Variants in ANXA4 observed in about 807,000 individuals in gnomAD.
The protein encoded by ANXA4 is 35-beta calcimedin.
In ANXA4, 39 loss-of-function variants were observed where a neutral mutation model predicts 49.8. The ratio of observed to expected loss-of-function variants is 0.78; its 90% CI spans 0.61 to 1.02. The LOEUF (loss-of-function observed/expected upper bound fraction) is 1.02, where lower values mean the gene tolerates loss of function less well. Ranked by LOEUF, ANXA4 falls within the 50% of genes least tolerant of loss-of-function variation. The pLI is 0.00. For missense variants in ANXA4, 360 were observed against 410.1 expected, an observed-to-expected ratio of 0.88 and a Z score of 1.05; for synonymous variants, 134 against 152.5, an observed-to-expected ratio of 0.88 and a Z score of 0.89.
intron 2 of ANXA4, among the ~76,000 whole-genome samples, chr2:69,687,143 G>A (rs1677818202): frequency 6.6e-6 from 1 of 152,218 alleles, no homozygotes; most frequent in Admixed American, 6.5e-5. Flanking sequence ...GTTGTGTAAG[G>A]AAGGATTAGG....
intron 3 of ANXA4, among the ~76,000 whole-genome samples, chr2:69,798,804 C>T (rs562846404): frequency 2.5e-4 from 38 of 152,284 alleles, no homozygotes; most frequent in African/African-American, 8.9e-4. Context: ...GATGAAGTCA[C>T]CTTCAAATCC....
intron 1 of ANXA4, among the ~76,000 whole-genome samples, chr2:69,767,826 A>G (rs1010399521): frequency 6.6e-6 from 1 of 152,194 alleles, no homozygotes; most frequent in African/African-American, 2.4e-5. Context: ...TCAGCAAGAA[A>G]TGTAACAATT....
chr2:69,688,083 AG>A (rs1168962680), intron 2 of ANXA4, among the ~76,000 whole-genome samples: 4 of 152,230 alleles, frequency 2.6e-5, no homozygotes, highest in African/African-American at 9.6e-5. Flanking sequence ...GTCAGGATGT[AG>A]GGTCCACACA....
intron 1 of ANXA4, among the ~76,000 whole-genome samples, chr2:69,767,812 T>C (rs1427605325): frequency 1.3e-5 from 2 of 152,212 alleles, no homozygotes; most frequent in East Asian, 3.8e-4. Context: ...GAGAAAGTTT[T>C]AGCTCAGCAA....
chr2:69,790,088 G>A (rs543933581), intron 3 of ANXA4, among the ~76,000 whole-genome samples: 1 of 152,246 alleles, frequency 6.6e-6, no homozygotes, highest in Admixed American at 6.5e-5. Context: ...CTTGTTGTTA[G>A]AAGAGAAGTG....
chr2:69,788,837 C>CA (rs34455712), intron 3 of ANXA4, among the ~76,000 whole-genome samples: 2,463 of 81,634 alleles, frequency 0.03, 85 homozygotes, highest in African/African-American at 0.096. Context: ...GACTCCATCT[C>CA]AAAAAAAAAA....
At chr2:69,818,329 G>T in intron 9 of ANXA4, 1 of 231,586 alleles carries the variant, frequency 4.3e-6, no homozygotes, top group Non-Finnish European at 8.4e-6. Flanking sequence ...CTCCCCAGAG[G>T]CCATCTCCAT....
intron 2 of ANXA4, among the ~76,000 whole-genome samples, chr2:69,677,267 G>GGAGTGCAA (rs1559070807): frequency 3.9e-5 from 6 of 152,004 alleles, no homozygotes; most frequent in Non-Finnish European, 1.5e-5. Context: ...GTCTCACTCT[G>GGAGTGCAA]TTGCCCAGAC....
intron 8 of ANXA4, among the ~76,000 whole-genome samples, chr2:69,813,540 C>T (rs934925717): frequency 6.6e-5 from 10 of 151,948 alleles, no homozygotes; most frequent in Non-Finnish European, 1.0e-4. Context: ...CATGAGCCAT[C>T]GCGCGTGGCC....
chr2:69,654,566 T>C (rs1001948704), intron 2 of ANXA4, among the ~76,000 whole-genome samples: 1 of 152,240 alleles, frequency 6.6e-6, no homozygotes, highest in African/African-American at 2.4e-5. Flanking sequence ...TCATTGGTTC[T>C]GTTTATGTGA....
chr2:69,675,108 G>A (rs1677353837), intron 2 of ANXA4, among the ~76,000 whole-genome samples: 1 of 152,062 alleles, frequency 6.6e-6, no homozygotes, highest in Non-Finnish European at 1.5e-5. Flanking sequence ...ATTTGTAGTA[G>A]AGACGGGGTT....
intron 12 of ANXA4, among the ~76,000 whole-genome samples, chr2:69,823,717 A>G (rs1023328191): frequency 6.6e-6 from 1 of 152,204 alleles, no homozygotes; most frequent in African/African-American, 2.4e-5. Flanking sequence ...AAATGTATAA[A>G]TAAGAAACTT....
At chr2:69,668,843 G>A (rs80274483) in intron 2 of ANXA4, among the ~76,000 whole-genome samples, 2,406 of 152,082 alleles carry the variant, frequency 0.016, 69 homozygotes, top group African/African-American at 0.054. Flanking sequence ...GATGGTAAAC[G>A]CTGACACACA....
chr2:69,668,542 G>T (rs187353472), intron 2 of ANXA4, among the ~76,000 whole-genome samples: 1 of 152,248 alleles, frequency 6.6e-6, no homozygotes, highest in African/African-American at 2.4e-5. Flanking sequence ...CTACATTTGT[G>T]TATAGGTAAA....
At chr2:69,665,059 C>T (rs1283774534) in intron 2 of ANXA4, among the ~76,000 whole-genome samples, 6 of 152,112 alleles carry the variant, frequency 3.9e-5, no homozygotes, top group Non-Finnish European at 8.8e-5. Flanking sequence ...GCTGAGATCG[C>T]GCCACTGCAT....
At chr2:69,791,826 A>T (rs1395702330) in intron 3 of ANXA4, among the ~76,000 whole-genome samples, 1 of 152,252 alleles carries the variant, frequency 6.6e-6, no homozygotes, top group Non-Finnish European at 1.5e-5. Context: ...AAATGACAAA[A>T]TGTCCAGTTT....
intron 2 of ANXA4, among the ~76,000 whole-genome samples, chr2:69,708,383 C>T (rs1485613250): frequency 6.6e-5 from 10 of 152,116 alleles, no homozygotes; most frequent in Admixed American, 6.5e-4. Flanking sequence ...GTCAGTGGTC[C>T]GTAACAGTTA....
intron 1 of ANXA4, among the ~76,000 whole-genome samples, chr2:69,766,930 G>C (rs1671515975): frequency 6.6e-6 from 1 of 152,160 alleles, no homozygotes; most frequent in Non-Finnish European, 1.5e-5. Context: ...TTTCTGGGGG[G>C]CAAGAATTTC....
At chr2:69,730,237 C>T (rs777199858) in intron 3 of ANXA4, among the ~76,000 whole-genome samples, 29 of 152,088 alleles carry the variant, frequency 1.9e-4, no homozygotes, top group Non-Finnish European at 3.4e-4. Flanking sequence ...CATGGTGGCT[C>T]ATACCTGTAA....
Sources: gnomAD v4.1 joint callset for allele counts (sites outside exome capture counted in the v4.1 genomes callset) on GRCh38, gnomAD v4.1.1 for gene constraint, MANE v1.5 for transcripts, NCBI Gene and HGNC (gene_info 2026-07-23, HGNC 2026-07-21) for gene names.